The following PLD1 variants were observed in gnomAD, a reference collection of about 807,000 sequenced individuals.
PLD1 encodes the protein choline phosphatase 1.
Under a neutral mutation model 137.1 loss-of-function variants are expected in PLD1, and 112 were observed. That is an observed-to-expected ratio of 0.82 (90% CI 0.70 to 0.96). PLD1 has a LOEUF of 0.96. PLD1 is among the 40% of genes least tolerant of loss of function. PLD1 has a pLI of 0.00. For synonymous variants in PLD1, 431 were observed against 454.7 expected (o/e 0.95, Z 0.66); for missense variants, 1,321 against 1,342.0 (o/e 0.98, Z 0.24).
chr3:171,622,008 T>C (rs1162139959), intron 23 of PLD1, among the ~76,000 whole-genome samples: 1 of 152,192 alleles, frequency 6.6e-6, no homozygotes, highest in Admixed American at 6.5e-5. Flanking sequence ...TAAATAAATG[T>C]ATGAGTGGAT....
chr3:171,608,135 T>C (rs1732351767), intron 25 of PLD1, among the ~76,000 whole-genome samples: 1 of 152,174 alleles, frequency 6.6e-6, no homozygotes. Context: ...TTAACACAAT[T>C]TGAAAAATGC....
intron 24 of PLD1, among the ~76,000 whole-genome samples, chr3:171,619,170 A>G (rs1338922380): frequency 6.6e-6 from 1 of 152,180 alleles, no homozygotes; most frequent in Non-Finnish European, 1.5e-5. Context: ...TCTCTAAATA[A>G]CATGACCCAC....
In PLD1 at chr3:171,704,457, G is replaced by GAAAAAAAA. The variant is rs1362665761; in HGVS notation, c.1145+4297_1145+4298insTTTTTTTT. ...AAAGTACCTGGCACACAAAGAACCA[G>GAAAAAAAA]GAAAAAAAAAAAAAAAAAAACCTTA... On this transcript the variant is annotated intron_variant, in intron 11 of 26. Transcript: ENST00000351298. Among the ~76,000 whole-genome samples the GAAAAAAAA allele has an allele frequency of 3.3e-3, 323 of 98,126 alleles. 1 individual carries two copies. The highest frequency in any genetic ancestry group is 0.011 in the African/African-American group (235 of 21,728). The allele number at this position is 98,126 out of a possible 152,430, so 64.4% of individuals were successfully genotyped here.
At chr3:171,626,559 G>C (rs564896954) in intron 23 of PLD1, among the ~76,000 whole-genome samples, 8 of 152,170 alleles carry the variant, frequency 5.3e-5, no homozygotes, top group East Asian at 1.9e-4. Flanking sequence ...GTCAGATTCA[G>C]CAAAGTTGAA....
intron 1 of PLD1, among the ~76,000 whole-genome samples, chr3:171,749,016 G>A (rs1347569023): frequency 3.3e-5 from 5 of 151,892 alleles, no homozygotes; most frequent in Non-Finnish European, 5.9e-5. Flanking sequence ...AGAAAACACT[G>A]CTACAAACTT....
chr3:171,622,883 A>C (rs1200568926), intron 23 of PLD1, among the ~76,000 whole-genome samples: 1 of 151,844 alleles, frequency 6.6e-6, no homozygotes, highest in African/African-American at 2.4e-5. Flanking sequence ...AATAGCCTTT[A>C]TATACACAAA....
At chr3:171,718,776 A>G (rs1298764144) in intron 8 of PLD1, among the ~76,000 whole-genome samples, 1 of 152,172 alleles carries the variant, frequency 6.6e-6, no homozygotes, top group Admixed American at 6.5e-5. Context: ...TGAGGATAAC[A>G]TAAGACATAT....
At chr3:171,806,854 G>A (rs911400073) in intron 1 of PLD1, among the ~76,000 whole-genome samples, 4 of 152,122 alleles carry the variant, frequency 2.6e-5, no homozygotes, top group Admixed American at 1.3e-4. Context: ...ATTCCCTTAC[G>A]TGTTCCTTCC....
intron 1 of PLD1, among the ~76,000 whole-genome samples, chr3:171,799,736 T>C (rs1024767003): frequency 1.3e-5 from 2 of 152,244 alleles, no homozygotes; most frequent in African/African-American, 4.8e-5. Flanking sequence ...TAAGTCATGC[T>C]GATAGTATGT....
chr3:171,769,781 CA>C (rs1267419580), intron 1 of PLD1, among the ~76,000 whole-genome samples: 4 of 152,098 alleles, frequency 2.6e-5, no homozygotes, highest in Non-Finnish European at 5.9e-5. Context: ...CCTTCCCCCT[CA>C]ATTTTTTTTA....
At chr3:171,617,357 C>T (rs1733203613) in intron 24 of PLD1, among the ~76,000 whole-genome samples, 1 of 152,206 alleles carries the variant, frequency 6.6e-6, no homozygotes, top group Non-Finnish European at 1.5e-5. Flanking sequence ...CCTACCCACA[C>T]TTGTTGATTG....
At chr3:171,636,656 T>C (rs762723315) in intron 23 of PLD1, among the ~76,000 whole-genome samples, 9 of 152,090 alleles carry the variant, frequency 5.9e-5, no homozygotes, top group East Asian at 1.9e-4. Context: ...TTATCTGTAA[T>C]AGTATGTGTG....
At chr3:171,646,067 C>T (rs1209691908) in intron 21 of PLD1, among the ~76,000 whole-genome samples, 2 of 152,132 alleles carry the variant, frequency 1.3e-5, no homozygotes, top group African/African-American at 2.4e-5. Flanking sequence ...CTCTCTTTGA[C>T]GGGCATTCAG....
rs116015479 is a variant in PLD1, at chr3:171,610,522, T to C, written c.2882+1757A>G. Among the ~76,000 whole-genome samples, 1,252 of 152,312 alleles carry C rather than the reference T, an allele frequency of 8.2e-3. 16 individuals are homozygous for C. Among genetic ancestry groups the C allele is most frequent in the African/African-American group, 0.025 (1,027 of 41,568 alleles). On this transcript the variant is annotated intron_variant, in intron 25 of 26. Coordinates refer to ENST00000351298, the MANE Select transcript of PLD1 (RefSeq NM_002662.5). ...TTTCTGTATTTGCCAAATTTGTACATAAAAATGTGCTGTAATCAAAAACCT... is the reference window on the plus strand; with the variant it reads ...TTTCTGTATTTGCCAAATTTGTACACAAAAATGTGCTGTAATCAAAAACCT...
intron 23 of PLD1, among the ~76,000 whole-genome samples, chr3:171,623,481 ATT>A (rs5854440): frequency 0.29 from 42,331 of 145,820 alleles, 6,750 homozygotes; most frequent in African/African-American, 0.41. Flanking sequence ...CGCCTTGCTA[ATT>A]TTTTTTTTTT....
chr3:171,623,254 T>A lies in PLD1; in HGVS notation c.2594-2734A>T, dbSNP rs368923682. Among the ~76,000 whole-genome samples the A allele has an allele frequency of 9.9e-5, 15 of 151,470 alleles. No individual in the cohort carries two copies. The South Asian group carries it at 3.1e-3, about 32-fold the overall frequency. ...TGTAGTTTGTATGGAAAAATAAACA[T>A]GCAAGAATAAATTGAGAAAAATGGA... is the stretch of plus-strand genomic sequence containing the variant. On this transcript the variant is annotated intron_variant, in intron 23 of 26. Coordinates refer to ENST00000351298, the MANE Select transcript of PLD1 (RefSeq NM_002662.5).
Position 171,600,800 on chromosome 3 carries a change from G to A in PLD1, c.*2278C>T, listed in dbSNP as rs527265393. 2 of 152,298 alleles carry A rather than the reference G, an allele frequency of 1.3e-5. No individual in the cohort carries two copies. Among genetic ancestry groups the A allele is most frequent in the South Asian group, 4.1e-4 (2 of 4,824 alleles). 9.4% of individuals were successfully genotyped at this position (152,298 alleles called of 1,614,324 possible). A position where few individuals can be genotyped will look rare whatever the true frequency, so the allele number is the denominator to read the frequency against. ...AAGGAACTTGCCATAGAAAGCAGTAGTAAGACTTCTTATATGAGACTAAGA... is the reference window on the plus strand; with the variant it reads ...AAGGAACTTGCCATAGAAAGCAGTAATAAGACTTCTTATATGAGACTAAGA... On this transcript the variant is annotated 3_prime_UTR_variant, in exon 27 of 27. Coordinates refer to ENST00000351298, the MANE Select transcript of PLD1 (RefSeq NM_002662.5).
chr3:171,764,958 G>GA (rs1286931129), intron 1 of PLD1, among the ~76,000 whole-genome samples: 3 of 61,416 alleles, frequency 4.9e-5, no homozygotes, highest in African/African-American at 1.5e-4. Flanking sequence ...AAGAAAGAAA[G>GA]AAAGAAAGAA....
At chr3:171,696,950 G>T (rs2108534126) in intron 12 of PLD1, among the ~76,000 whole-genome samples, 1 of 152,270 alleles carries the variant, frequency 6.6e-6, no homozygotes, top group East Asian at 1.9e-4. Flanking sequence ...GTTCACGAGG[G>T]ACCTCGCCAG....
Sources: allele counts gnomAD v4.1 joint callset (sites outside exome capture counted in the v4.1 genomes callset), GRCh38; gene constraint gnomAD v4.1.1; transcripts MANE v1.5; gene names NCBI Gene and HGNC (gene_info 2026-07-23, HGNC 2026-07-21).